Variants in KCNN2 observed in about 807,000 individuals in gnomAD.
KCNN2 encodes the protein potassium calcium-activated channel subfamily N member 2.
A neutral mutation model predicts 55.5 loss-of-function variants in KCNN2; 24 were observed. The ratio of observed to expected loss-of-function variants is 0.43; its 90% confidence interval spans 0.31 to 0.61. The LOEUF (loss-of-function observed/expected upper bound fraction) is 0.61. Ranked by LOEUF, KCNN2 falls within the 20% of genes least tolerant of loss-of-function variation. The pLI, the probability that KCNN2 is intolerant of heterozygous loss-of-function variation, is 0.08. For synonymous variants in KCNN2, 431 were observed against 336.1 expected, an observed-to-expected ratio of 1.28 and a Z score of -3.09; for missense variants, 754 against 853.6, an observed-to-expected ratio of 0.88 and a Z score of 1.45.
At chr5:114,071,266 A>G (rs372065542) in intron 1 of KCNN2, among the ~76,000 whole-genome samples, 1 of 152,268 alleles carries the variant, frequency 6.6e-6, no homozygotes, top group Non-Finnish European at 1.5e-5. Context: ...AATTCCCTAA[A>G]CTACAGAGCT....
intron 1 of KCNN2, among the ~76,000 whole-genome samples, chr5:114,087,400 A>G (rs1284026294): frequency 2.0e-5 from 3 of 152,152 alleles, no homozygotes; most frequent in East Asian, 3.9e-4. Flanking sequence ...TAGGATTCTT[A>G]TAGTTTGATG....
At chr5:114,160,266 A>AT (rs1252442668) in intron 1 of KCNN2, among the ~76,000 whole-genome samples, 2 of 152,098 alleles carry the variant, frequency 1.3e-5, no homozygotes, top group African/African-American at 4.8e-5. Context: ...TATGTACGCC[A>AT]TAGTCGTTCA....
chr5:114,496,001 G>C lies in KCNN2; in HGVS notation c.2195G>C (p.Ser732Thr). Reference protein sequence around the residue: ...LETKLETLIGSIHALPGLISQ... With the variant: ...LETKLETLIGTIHALPGLISQ... Reference sequence around the variant, plus strand: ...ACAAAACTAGAGACTTTGATTGGTAGCATCCACGCCCTCCCTGGGCTCATA... The same window carrying C: ...ACAAAACTAGAGACTTTGATTGGTACCATCCACGCCCTCCCTGGGCTCATA... Residue 732 changes from serine (S) to threonine (T), a missense_variant, in exon 8 of 8, where the codon AGC (serine) becomes ACC (threonine). Ser to Thr is a moderately conservative substitution (Grantham distance 58). Transcript: ENST00000673685. 1 of 1,614,084 alleles carries C rather than the reference G, an allele frequency of 6.2e-7. No individual in the cohort carries two copies. The highest frequency in any genetic ancestry group is 1.1e-5 in the South Asian group (1 of 91,070).
intron 1 of KCNN2, among the ~76,000 whole-genome samples, chr5:114,163,399 A>G (rs1752837515): frequency 6.6e-6 from 1 of 152,138 alleles, no homozygotes; most frequent in Non-Finnish European, 1.5e-5. Flanking sequence ...GCTTTTGTCT[A>G]TTCAGTATGA....
intron 1 of KCNN2, among the ~76,000 whole-genome samples, chr5:114,152,019 C>T (rs1028360290): frequency 2.6e-5 from 4 of 152,216 alleles, no homozygotes; most frequent in Non-Finnish European, 5.9e-5. Flanking sequence ...GGAGCTAATA[C>T]CTATTTTTCA....
intron 2 of KCNN2, among the ~76,000 whole-genome samples, chr5:114,272,126 C>T (rs1755350305): frequency 6.6e-6 from 1 of 151,982 alleles, no homozygotes; most frequent in African/African-American, 2.4e-5. Context: ...AACACAATAC[C>T]TTCCCTCAAA....
At chr5:114,234,565 A>G (rs1463076864) in intron 2 of KCNN2, among the ~76,000 whole-genome samples, 1 of 152,208 alleles carries the variant, frequency 6.6e-6, no homozygotes, top group Non-Finnish European at 1.5e-5. Flanking sequence ...TTGTTCATAG[A>G]TCCTTCACCC....
chr5:114,494,340 G>C (rs2150143968), intron 7 of KCNN2, among the ~76,000 whole-genome samples: 1 of 150,476 alleles, frequency 6.6e-6, no homozygotes, highest in African/African-American at 2.4e-5. Context: ...ATTTGTCCTA[G>C]TCTCATTAAA....
At chr5:114,494,144 A>G (rs962900044) in intron 7 of KCNN2, among the ~76,000 whole-genome samples, 1 of 151,910 alleles carries the variant, frequency 6.6e-6, no homozygotes, top group Non-Finnish European at 1.5e-5. Context: ...TAATCAAAAC[A>G]TTGCATTTTC....
intron 1 of KCNN2, among the ~76,000 whole-genome samples, chr5:114,075,411 T>G (rs1229807977): frequency 6.6e-6 from 1 of 152,176 alleles, no homozygotes; most frequent in East Asian, 1.9e-4. Flanking sequence ...GCTAAAAAAT[T>G]TCCAATTTCT....
At chr5:114,473,688 C>T (rs1317942842) in intron 5 of KCNN2, among the ~76,000 whole-genome samples, 2 of 152,158 alleles carry the variant, frequency 1.3e-5, no homozygotes, top group African/African-American at 2.4e-5. Context: ...GTTGGGCAAT[C>T]GCTGTCCAAA....
rs992899183 is a variant in KCNN2 at position 114,483,564 on chromosome 5, C to T, written c.1891-3486C>T. On this transcript the variant is annotated intron_variant, in intron 5 of 7. Transcript: ENST00000673685. ...GTGCTGGGATTACAAACATGAGCCA[C>T]AGCACCCAGCCAGTAGTAGTATATA... Among the ~76,000 whole-genome samples the T allele has an allele frequency of 2.6e-5, 4 of 152,118 alleles. No individual in the cohort carries two copies. The South Asian group carries it at 8.3e-4, about 31-fold the overall frequency.
chr5:114,254,988 C>T (rs749149439), intron 2 of KCNN2, among the ~76,000 whole-genome samples: 2 of 152,070 alleles, frequency 1.3e-5, no homozygotes, highest in Non-Finnish European at 2.9e-5. Context: ...AGTAAGAATT[C>T]ATTGGCCTCA....
intron 4 of KCNN2, among the ~76,000 whole-genome samples, chr5:114,464,122 C>T (rs1761334906): frequency 6.6e-6 from 1 of 151,992 alleles, no homozygotes; most frequent in African/African-American, 2.4e-5. Flanking sequence ...TCTTTTTTGC[C>T]CCTCCACACA....
intron 6 of KCNN2, chr5:114,490,717 CT>C (rs1486921952): frequency 1.8e-5 from 7 of 398,038 alleles, no homozygotes; most frequent in African/African-American, 1.4e-4. Context: ...GTGTGAGCCG[CT>C]CCTTTCAACA....
In KCNN2 at chr5:114,362,805, C is replaced by T. The variant is rs370364781; in HGVS notation, c.666C>T (p.Val222=). The part of the protein sequence containing the change: ...AMSSCRYNGG[V]MRPLSNLSAS... ...GCAGCTGCAGGTACAACGGGGGCGT[C>T]ATGCGGCCGCTCAGCAACTTGAGCG... The change falls in exon 1 of 8, where the codon GTC becomes GTT. Residue 222 remains valine (V), a synonymous_variant. Coordinates refer to ENST00000673685, the MANE Select transcript of KCNN2 (RefSeq NM_021614.4). The T allele has an allele frequency of 3.4e-5, 54 of 1,597,426 alleles. No individual in the cohort carries two copies. The highest frequency in any genetic ancestry group is 2.2e-4 in the East Asian group (10 of 44,720).
At chr5:114,465,967 T>TGATTA (rs1761428053) in intron 4 of KCNN2, among the ~76,000 whole-genome samples, 1 of 152,296 alleles carries the variant, frequency 6.6e-6, no homozygotes, top group African/African-American at 2.4e-5. Context: ...TTCTGGCAGT[T>TGATTA]GATTACATCT....
intron 2 of KCNN2, among the ~76,000 whole-genome samples, chr5:114,366,000 G>A (rs1404059347): frequency 6.6e-6 from 1 of 152,188 alleles, no homozygotes; most frequent in Non-Finnish European, 1.5e-5. Flanking sequence ...ATTATTGGGA[G>A]ATTTTTTGAA....
chr5:114,088,007 G>A (rs530166795), intron 1 of KCNN2, among the ~76,000 whole-genome samples: 3 of 151,942 alleles, frequency 2.0e-5, no homozygotes, highest in Admixed American at 2.0e-4. Context: ...GATTCTATCT[G>A]ATATTTTTCT....
Sources: gnomAD v4.1 joint callset for allele counts (sites outside exome capture counted in the v4.1 genomes callset) on GRCh38, gnomAD v4.1.1 for gene constraint, MANE v1.5 for transcripts, NCBI Gene and HGNC (gene_info 2026-07-23, HGNC 2026-07-21) for gene names.